Variants in KIAA0825 observed in about 807,000 individuals in gnomAD.
KIAA0825 encodes the protein KIAA0825, also known as uncharacterized protein KIAA0825.
A neutral mutation model predicts 147.6 loss-of-function variants in KIAA0825; 119 were observed. The observed-to-expected ratio is 0.81, with a 90% CI of 0.69 to 0.94. KIAA0825 has a LOEUF of 0.94. KIAA0825 is among the 40% of genes least tolerant of loss of function. The probability of loss-of-function intolerance (pLI) is 0.00; values close to 1 mark genes in which losing one functional copy is unlikely to be tolerated. For missense variants in KIAA0825, 1,381 were observed against 1,472.7 expected (o/e 0.94, Z 1.02); for synonymous variants, 470 against 518.1 (o/e 0.91, Z 1.26).
In KIAA0825 at chr5:94,151,443, A is replaced by C. The variant is rs1766487264; in HGVS notation, c.*2564T>G. On this transcript the variant is annotated 3_prime_UTR_variant, in exon 21 of 21. Coordinates refer to ENST00000682413, the MANE Select transcript of KIAA0825 (RefSeq NM_001145678.3). ...CGTCTCAAAAAAAAAAAAAAAAAAA[A>C]AAAAAAAACATATTGAGTATAAAGT... is the stretch of plus-strand genomic sequence containing the variant. Among the ~76,000 whole-genome samples, 1 of 151,340 alleles carries C rather than the reference A, an allele frequency of 6.6e-6. No homozygotes were observed. The highest frequency in any genetic ancestry group is 1.9e-4 in the East Asian group (1 of 5,186).
chr5:94,169,795 T>C (rs143646565), intron 20 of KIAA0825, among the ~76,000 whole-genome samples: 1 of 152,268 alleles, frequency 6.6e-6, no homozygotes, highest in East Asian at 1.9e-4. Context: ...AGCTAATACT[T>C]ATTTAGCAAC....
intron 18 of KIAA0825, among the ~76,000 whole-genome samples, chr5:94,391,122 A>G (rs1422696301): frequency 6.6e-6 from 1 of 152,208 alleles, no homozygotes; most frequent in Non-Finnish European, 1.5e-5. Flanking sequence ...AAGTTTTTTC[A>G]TTAAATAAGA....
In KIAA0825 at chr5:94,448,675, C is replaced by T. The variant is rs1758022385; in HGVS notation, c.2357+4284G>A. Among the ~76,000 whole-genome samples the T allele has an allele frequency of 2.0e-5, 3 of 152,066 alleles. No individual in the cohort carries two copies. The South Asian group carries it at 6.2e-4, about 32-fold the overall frequency. On this transcript the variant is annotated intron_variant, in intron 13 of 20. Transcript: ENST00000682413. Reference sequence around the variant, plus strand: ...AATATATTTTTTGTTTGTCATCATCCAATTCCTGTATTTCCTTGAACAGTT... The same window carrying T: ...AATATATTTTTTGTTTGTCATCATCTAATTCCTGTATTTCCTTGAACAGTT...
At chr5:94,235,041 T>C (rs1420173477) in intron 20 of KIAA0825, among the ~76,000 whole-genome samples, 1 of 149,176 alleles carries the variant, frequency 6.7e-6, no homozygotes, top group Middle Eastern at 3.5e-3. Context: ...AAAAAAAAAA[T>C]TGAAATAGGC....
At chr5:94,236,017 A>G (rs1775022658) in intron 20 of KIAA0825, among the ~76,000 whole-genome samples, 1 of 152,218 alleles carries the variant, frequency 6.6e-6, no homozygotes, top group Admixed American at 6.5e-5. Context: ...AAGGAGATTC[A>G]TGTTGTTTTT....
chr5:94,503,073 A>AAC, intron 5 of KIAA0825, among the ~76,000 whole-genome samples: 1 of 147,248 alleles, frequency 6.8e-6, no homozygotes, highest in South Asian at 2.1e-4. Context: ...CTCAAAAAAA[A>AAC]ATATATATAT....
chr5:94,222,583 T>C (rs532443335), intron 20 of KIAA0825, among the ~76,000 whole-genome samples: 1 of 152,304 alleles, frequency 6.6e-6, no homozygotes, highest in East Asian at 1.9e-4. Flanking sequence ...AAGAATGTTG[T>C]TTTCAAAATT....
rs1554294301 is a variant in KIAA0825 at position 94,499,590 on chromosome 5, G to GT, written c.971-14661_971-14660insA. Among the ~76,000 whole-genome samples the GT allele has an allele frequency of 8.8e-5, 13 of 147,460 alleles. 1 individual carries two copies. The highest frequency in any genetic ancestry group is 3.6e-3 in the Middle Eastern group (1 of 280). ...TCATATTTTATTTCCCAATCTGGGGGGGGGGGGGGACCAAGGGTCTTACAC... is the reference window on the plus strand; with the variant it reads ...TCATATTTTATTTCCCAATCTGGGGGTGGGGGGGGGACCAAGGGTCTTACAC... On this transcript the variant is annotated intron_variant, in intron 5 of 20. Transcript: ENST00000682413.
chr5:94,227,224 A>G (rs1562323212), intron 20 of KIAA0825, among the ~76,000 whole-genome samples: 1 of 152,210 alleles, frequency 6.6e-6, no homozygotes, highest in Non-Finnish European at 1.5e-5. Context: ...GCCATAAAAA[A>G]TGATGAGTTC....
intron 16 of KIAA0825, among the ~76,000 whole-genome samples, chr5:94,402,135 G>A (rs554766263): frequency 6.6e-6 from 1 of 152,110 alleles, no homozygotes; most frequent in Non-Finnish European, 1.5e-5. Context: ...TACTCGGAAT[G>A]AGCATTTTAT....
At chr5:94,586,563 C>T (rs1783322693) in intron 1 of KIAA0825, among the ~76,000 whole-genome samples, 1 of 151,942 alleles carries the variant, frequency 6.6e-6, no homozygotes, top group South Asian at 2.1e-4. Context: ...GGCTACCAAC[C>T]AAAAAAACTC....
chr5:94,158,130 A>G (rs1767207940), intron 20 of KIAA0825, among the ~76,000 whole-genome samples: 1 of 152,188 alleles, frequency 6.6e-6, no homozygotes, highest in South Asian at 2.1e-4. Context: ...GAATCACCCC[A>G]GGCAAGTTTT....
At chr5:94,438,078 T>G (rs1756603296) in intron 14 of KIAA0825, among the ~76,000 whole-genome samples, 1 of 152,190 alleles carries the variant, frequency 6.6e-6, no homozygotes, top group African/African-American at 2.4e-5. Flanking sequence ...AGTGGACAGA[T>G]AACAATTCTT....
At chr5:94,298,853 G>A (rs2150176959) in intron 20 of KIAA0825, among the ~76,000 whole-genome samples, 2 of 152,274 alleles carry the variant, frequency 1.3e-5, no homozygotes, top group South Asian at 2.1e-4. Flanking sequence ...AGTTGGCAAG[G>A]TAGTTCGTTG....
At chr5:94,425,529 A>G (rs1002606014) in intron 14 of KIAA0825, among the ~76,000 whole-genome samples, 1 of 152,172 alleles carries the variant, frequency 6.6e-6, no homozygotes, top group Non-Finnish European at 1.5e-5. Context: ...ACTTGCGGCC[A>G]GGCATTCAAG....
At chr5:94,559,374 G>A (rs893453854) in intron 2 of KIAA0825, among the ~76,000 whole-genome samples, 3 of 152,110 alleles carry the variant, frequency 2.0e-5, no homozygotes, top group African/African-American at 4.8e-5. Context: ...CGTTTTCTAT[G>A]CAAAGACTTC....
chr5:94,190,597 T>C (rs1267449314), intron 20 of KIAA0825, among the ~76,000 whole-genome samples: 2 of 150,994 alleles, frequency 1.3e-5, no homozygotes, highest in African/African-American at 4.9e-5. Context: ...TAGCTGTAGG[T>C]CTTTCATAGG....
intron 20 of KIAA0825, among the ~76,000 whole-genome samples, chr5:94,304,525 T>C (rs1778603917): frequency 6.6e-6 from 1 of 152,084 alleles, no homozygotes; most frequent in Non-Finnish European, 1.5e-5. Context: ...CGAATCTCAT[T>C]TAACTGTGTT....
rs892470146 is a variant in KIAA0825, at chr5:94,346,212, G to A, written c.3710+38156C>T. ...CAATAGTCAAGAATATTCCTGAGTG[G>A]AAACCAGCTACAAAGTACTGCCCCA... is the stretch of plus-strand genomic sequence containing the variant. On this transcript the variant is annotated intron_variant, in intron 20 of 20. Coordinates refer to ENST00000682413, the MANE Select transcript of KIAA0825 (RefSeq NM_001145678.3). 1.4e-4 allele frequency among the ~76,000 whole-genome samples: 21 copies of A among 152,094 alleles called. 1 individual carries two copies. Among genetic ancestry groups the A allele is most frequent in the Admixed American group, 1.2e-3 (18 of 15,268 alleles).
Sources: gnomAD v4.1 joint callset for allele counts (sites outside exome capture counted in the v4.1 genomes callset) on GRCh38, gnomAD v4.1.1 for gene constraint, MANE v1.5 for transcripts, NCBI Gene and HGNC (gene_info 2026-07-23, HGNC 2026-07-21) for gene names.